The following CHD8 variants were observed in gnomAD, a reference collection of about 807,000 sequenced individuals.
The protein encoded by CHD8 is chromodomain helicase DNA binding protein 8, also known as ATP-dependent chromatin remodeler CHD8.
In CHD8, 31 loss-of-function variants were observed where a neutral mutation model predicts 279.2. The ratio of observed to expected loss-of-function variants is 0.11; its 90% CI spans 0.08 to 0.15. CHD8 has a LOEUF of 0.15. CHD8 is among the 10% of genes least tolerant of loss of function. CHD8 has a pLI of 1.00. For missense variants in CHD8, 2,146 were observed against 3,230.5 expected (o/e 0.66, Z 8.14); for synonymous variants, 1,081 against 1,139.6 (o/e 0.95, Z 1.04).
rs1446680103 is a variant in CHD8 at position 21,394,392 on chromosome 14, G to A, written c.5484C>T (p.Arg1828=). The A allele has an allele frequency of 6.2e-7, 1 of 1,613,828 alleles. No homozygotes were observed. Among genetic ancestry groups the A allele is most frequent in the Non-Finnish European group, 8.5e-7 (1 of 1,179,882 alleles). Residue 1828 remains arginine (R), a synonymous_variant, in exon 31 of 38, where the codon CGC becomes CGT. Transcript: ENST00000646647. ...DPDTMQFHWD[R]FRTFARLDKK... The stretch of plus-strand genomic sequence containing the variant: ...TGTCTAGTCGAGCAAAAGTGCGGAA[G>A]CGATCCCAATGGAACTGCATGGTGT...
chr14:21,407,665 G>C (rs751653438), intron 13 of CHD8, among the ~76,000 whole-genome samples: 4 of 152,006 alleles, frequency 2.6e-5, no homozygotes, highest in Admixed American at 2.0e-4. Context: ...ATGGAGTGCA[G>C]TGTGACGATC....
chr14:21,428,913 G>A (rs1889442969), intron 3 of CHD8, 51 bp downstream of exon 3: 3 of 1,585,262 alleles, frequency 1.9e-6, no homozygotes, highest in East Asian at 2.2e-5. Flanking sequence ...CAACAGCAAT[G>A]GACTAAGTAT....
At chr14:21,427,667 C>A in intron 4 of CHD8, 1 of 1,443,718 alleles carries the variant, frequency 6.9e-7, no homozygotes. Context: ...ATGTCCCATC[C>A]CAATAGCAAG....
rs1272543008 is a variant in CHD8 at position 21,402,113 on chromosome 14, C to A, written c.3906G>T (p.Glu1302Asp). ...ITGIQQFSKK[E>D]IEDLLRKGAY... ...CTCCTTTTCTTAAAAGATCTTCAAT[C>A]TCCTTCTTAGAGAACTGTTGGATCT... Residue 1302 changes from glutamate (E) to aspartate (D), a missense_variant, in exon 20 of 38, where the codon GAG (glutamate) becomes GAT (aspartate). Glu to Asp is a conservative substitution (Grantham distance 45, BLOSUM62 2). This residue lies in a region of CHD8 where 35 missense variants were observed against 82.4 expected (regional missense o/e 0.42). Transcript: ENST00000646647. The surrounding 1 kb of genome is among the most constrained non-coding windows in gnomAD (Gnocchi z 4.5). 6.2e-7 allele frequency: 1 copy of A among 1,609,008 alleles called. No individual in the cohort carries two copies. Among genetic ancestry groups the A allele is most frequent in the African/African-American group, 1.3e-5 (1 of 74,438 alleles).
intron 2 of CHD8, chr14:21,430,197 G>A (rs1889505204): frequency 1.3e-5 from 2 of 155,010 alleles, no homozygotes; most frequent in Non-Finnish European, 2.9e-5. Flanking sequence ...TGAGTAGCTG[G>A]GATCACAGGT....
In CHD8 at chr14:21,406,742, G is replaced by C. The variant is rs1467618711; in HGVS notation, c.2907+114C>G. 7 of 927,426 alleles carry C rather than the reference G, an allele frequency of 7.5e-6. No individual in the cohort carries two copies. The African/African-American group carries it at 1.0e-4, about 13-fold the overall frequency. The allele number at this position is 927,426 out of a possible 1,614,324, so 57.4% of individuals were successfully genotyped here. A position where few individuals can be genotyped will look rare whatever the true frequency, so the allele number is the denominator to read the frequency against. ...ACCATTCCCATAGGTCATCCCCACT[G>C]TTCAATACCACGATTCAGACTTTTC... On this transcript the variant is annotated intron_variant, in intron 14 of 37. Transcript: ENST00000646647.
Position 21,391,076 on chromosome 14 carries a change from A to AAATC in CHD8, c.7066-17_7066-14dup. The AAATC allele has an allele frequency of 6.8e-7, 1 of 1,465,964 alleles. No individual in the cohort carries two copies. The highest frequency in any genetic ancestry group is 9.4e-7 in the Non-Finnish European group (1 of 1,063,840). The allele number at this position is 1,465,964 out of a possible 1,614,324, so 90.8% of individuals were successfully genotyped here. ...GATCCTCCATATACTGCAATAGAAA[A>AAATC]AATCAGTTATCCTAGAGGAATAGAA... On this transcript the variant is annotated splice_polypyrimidine_tract_variant and intron_variant, in intron 36 of 37. Coordinates refer to ENST00000646647, the MANE Select transcript of CHD8 (RefSeq NM_001170629.2).
chr14:21,429,193 T>C lies in CHD8; in HGVS notation c.986A>G (p.Asn329Ser). ...NQLAALTQAK[N>S]AQGQPAKVVT... ...TACCTTGGCAGGCTGCCCTTGGGCA[T>C]TCTTGGCTTGAGTCAGGGCTGCCAG... Residue 329 changes from asparagine (N) to serine (S), a missense_variant, in exon 3 of 38, where the codon AAT (asparagine) becomes AGT (serine). Physicochemically the swap from Asn to Ser is conservative, Grantham distance 46. Coordinates refer to ENST00000646647, the MANE Select transcript of CHD8 (RefSeq NM_001170629.2). 6.2e-7 allele frequency: 1 copy of C among 1,613,982 alleles called. No homozygotes were observed. The highest frequency in any genetic ancestry group is 8.5e-7 in the Non-Finnish European group (1 of 1,179,888).
chr14:21,409,610 T>A (rs904662541), intron 11 of CHD8, among the ~76,000 whole-genome samples: 1 of 152,174 alleles, frequency 6.6e-6, no homozygotes, highest in Non-Finnish European at 1.5e-5. Context: ...AATAAATGAA[T>A]CTGGGATTTG....
intron 14 of CHD8, 37 bp downstream of exon 14, chr14:21,406,819 C>A: frequency 1.3e-6 from 2 of 1,562,900 alleles, no homozygotes; most frequent in South Asian, 1.2e-5. Context: ...ACGGTTTATT[C>A]CAGGTGTTTC....
At position 21,444,482 on chromosome 14, in the gene CHD8, T is replaced by C. The variant is rs189635970; in HGVS notation, c.-216+11550A>G. On this transcript the variant is annotated intron_variant, in intron 1 of 37. Coordinates refer to ENST00000646647, the MANE Select transcript of CHD8 (RefSeq NM_001170629.2). Reference sequence around the variant, plus strand: ...CATTCTAGATTCTAGAGTCTGAAGATCATGTTCAACTAAATGGCTTTGGTC... The same window carrying C: ...CATTCTAGATTCTAGAGTCTGAAGACCATGTTCAACTAAATGGCTTTGGTC... 1.8e-4 allele frequency among the ~76,000 whole-genome samples: 27 copies of C among 152,282 alleles called. 1 individual carries two copies. Among genetic ancestry groups the C allele is most frequent in the Middle Eastern group, 6.8e-3 (2 of 294 alleles).
intron 7 of CHD8, 158 bp from the exon 8 acceptor site, chr14:21,415,151 C>T: frequency 1.7e-6 from 1 of 599,428 alleles, no homozygotes; most frequent in South Asian, 2.1e-5. Context: ...ATAATAGAGG[C>T]CTGATAGCTG....
rs186111478 is a variant in CHD8 at position 21,409,126 on chromosome 14, T to C, written c.2365-301A>G. 2.0e-5 allele frequency among the ~76,000 whole-genome samples: 3 copies of C among 152,254 alleles called. No homozygotes were observed. The East Asian group carries it at 5.8e-4, about 29-fold the overall frequency. On this transcript the variant is annotated intron_variant, in intron 11 of 37. Coordinates refer to ENST00000646647, the MANE Select transcript of CHD8 (RefSeq NM_001170629.2). ...AACAGTGATGTCTAATAGAGCTTTC[T>C]ACAACATTAAAAATAAAAAAACAAA...
chr14:21,428,928 G>A lies in CHD8; in HGVS notation c.1215+36C>T, dbSNP rs756182272. ...CAACAGCAATGGACTAAGTATTTTT[G>A]TTTTCTTTCTTTTCCTTACTATGTA... On this transcript the variant is annotated intron_variant, in intron 3 of 37. Transcript: ENST00000646647. 5.6e-6 allele frequency: 9 copies of A among 1,606,004 alleles called. No individual in the cohort carries two copies. The Admixed American group carries it at 8.6e-5, about 15-fold the overall frequency.
chr14:21,414,624 G>A lies in CHD8; in HGVS notation c.2025-206C>T. 5.1e-6 allele frequency: 3 copies of A among 591,854 alleles called. No homozygotes were observed. In the South Asian group the frequency reaches 6.4e-5, roughly 13 times the overall value. The allele number at this position is 591,854 out of a possible 1,614,324, so 36.7% of individuals were successfully genotyped here. A position where few individuals can be genotyped will look rare whatever the true frequency, so the allele number is the denominator to read the frequency against. Reference sequence around the variant, plus strand: ...GCTTGAAAGCCCACATTTTTAAAAAGCACCCAAGTAATGCTAATTCTGCTG... The same window carrying A: ...GCTTGAAAGCCCACATTTTTAAAAAACACCCAAGTAATGCTAATTCTGCTG... On this transcript the variant is annotated intron_variant, in intron 8 of 37. Coordinates refer to ENST00000646647, the MANE Select transcript of CHD8 (RefSeq NM_001170629.2).
chr14:21,388,146 T>C (rs903201955), intron 37 of CHD8, among the ~76,000 whole-genome samples: 1 of 152,246 alleles, frequency 6.6e-6, no homozygotes, highest in African/African-American at 2.4e-5. Flanking sequence ...TAAATCTACA[T>C]ATATTTTATG....
At chr14:21,454,162 A>AAAAAGAAAAGAAAAG (rs60147341) in intron 1 of CHD8, among the ~76,000 whole-genome samples, 12,740 of 126,954 alleles carry the variant, frequency 0.1, 870 homozygotes, top group Non-Finnish European at 0.12. Flanking sequence ...CGTCTCAAAA[A>AAAAAGAAAAGAAAAG]AAAAGAAAAG....
In CHD8 at chr14:21,404,819, A is replaced by G. The variant is rs528750512; in HGVS notation, c.3307+390T>C. The G allele has an allele frequency of 9.6e-5, 17 of 176,930 alleles. No homozygotes were observed. In the South Asian group the frequency reaches 2.2e-3, roughly 23 times the overall value. 11.0% of individuals were successfully genotyped at this position (176,930 alleles called of 1,614,324 possible). A position where few individuals can be genotyped will look rare whatever the true frequency, so the allele number is the denominator to read the frequency against. On this transcript the variant is annotated intron_variant, in intron 16 of 37. Transcript: ENST00000646647. ...AGAAAGAACTACAGAAAAACATTCC[A>G]AATAAGAATTGTTTTTATTTACTTT...
intron 4 of CHD8, chr14:21,427,616 C>A: frequency 6.8e-7 from 1 of 1,461,452 alleles, no homozygotes; most frequent in Non-Finnish European, 9.0e-7. Context: ...CTTGCTCTTG[C>A]CCTTTGTTTT....
Sources: allele counts gnomAD v4.1 joint callset (sites outside exome capture counted in the v4.1 genomes callset), GRCh38; gene constraint gnomAD v4.1.1; regional missense constraint gnomAD v4.1.1; non-coding constraint Gnocchi (gnomAD v3.1); transcripts MANE v1.5; gene names NCBI Gene and HGNC (gene_info 2026-07-23, HGNC 2026-07-21).